The following PRKCE variants were observed in gnomAD, a reference collection of about 807,000 sequenced individuals.
The protein encoded by PRKCE is protein kinase C epsilon.
Under a neutral mutation model 85.4 loss-of-function variants are expected in PRKCE, and 16 were observed. The observed-to-expected ratio is 0.19, with a 90% CI of 0.13 to 0.28. The LOEUF is 0.28. PRKCE is among the 10% of genes least tolerant of loss of function. The pLI, the probability that PRKCE is intolerant of heterozygous loss-of-function variation, is 1.00. For missense variants in PRKCE, 573 were observed against 975.2 expected, an observed-to-expected ratio of 0.59 and a Z score of 5.49; for synonymous variants, 388 against 371.5, an observed-to-expected ratio of 1.04 and a Z score of -0.51.
At chr2:46,070,134 A>T (rs1231034666) in intron 10 of PRKCE, among the ~76,000 whole-genome samples, 5 of 152,242 alleles carry the variant, frequency 3.3e-5, no homozygotes, top group African/African-American at 1.2e-4. Flanking sequence ...ATGACATTGT[A>T]TTCACCTGGA....
At chr2:46,079,664 T>C (rs924300658) in intron 10 of PRKCE, among the ~76,000 whole-genome samples, 11 of 152,214 alleles carry the variant, frequency 7.2e-5, no homozygotes, top group Non-Finnish European at 1.3e-4. Flanking sequence ...GTGAAATCGA[T>C]GTAAGAGCTA....
At chr2:46,103,087 G>A (rs1444454973) in intron 11 of PRKCE, among the ~76,000 whole-genome samples, 1 of 152,286 alleles carries the variant, frequency 6.6e-6, no homozygotes, top group Middle Eastern at 3.4e-3. Flanking sequence ...CATTATATAT[G>A]TATTTGCTCA....
rs1271098434 is a variant in PRKCE at position 46,145,279 on chromosome 2, G to C, written c.1731+48G>C. On this transcript the variant is annotated intron_variant, in intron 12 of 14. Transcript: ENST00000306156. This position sits in a 1 kb window ranked among gnomAD's most constrained non-coding sequence, Gnocchi z 4.6. Reference sequence around the variant, plus strand: ...CACCTCCTCCTGGTGCCAGGACCGAGGCAGGGGTCCAAACCCATGCACTGG... The same window carrying C: ...CACCTCCTCCTGGTGCCAGGACCGACGCAGGGGTCCAAACCCATGCACTGG... 1 of 1,596,708 alleles carries C rather than the reference G, an allele frequency of 6.3e-7. No individual in the cohort carries two copies. The highest frequency in any genetic ancestry group is 1.1e-5 in the South Asian group (1 of 90,820).
In PRKCE at chr2:46,138,161, C is replaced by T. The variant is rs186539333; in HGVS notation, c.1593-6932C>T. On this transcript the variant is annotated intron_variant, in intron 11 of 14. Transcript: ENST00000306156. The surrounding 1 kb of genome is among the most constrained non-coding windows in gnomAD (Gnocchi z 4.2). ...TTCTGGAAGAGATCTTCACTCCTAC[C>T]GCAGGAGAGCCTTCATTGTGCCATC... Among the ~76,000 whole-genome samples, 17 of 152,228 alleles carry T rather than the reference C, an allele frequency of 1.1e-4. No homozygotes were observed. The highest frequency in any genetic ancestry group is 2.6e-4 in the African/African-American group (11 of 41,528).
intron 11 of PRKCE, among the ~76,000 whole-genome samples, chr2:46,132,101 A>G (rs1674519269): frequency 6.6e-6 from 1 of 152,036 alleles, no homozygotes; most frequent in Non-Finnish European, 1.5e-5. Context: ...AGACCTCTGA[A>G]CCACCCAAGT....
intron 1 of PRKCE, among the ~76,000 whole-genome samples, chr2:45,726,041 A>G (rs1163768995): frequency 6.6e-6 from 1 of 152,202 alleles, no homozygotes; most frequent in Non-Finnish European, 1.5e-5. Flanking sequence ...GAGCCTGGCG[A>G]TGTGACTGGA....
At chr2:45,943,214 CAATT>C (rs1341616098) in intron 2 of PRKCE, among the ~76,000 whole-genome samples, 20 of 152,182 alleles carry the variant, frequency 1.3e-4, no homozygotes, top group African/African-American at 4.1e-4. Context: ...TTAAAGGACA[CAATT>C]AAATATACTC....
chr2:45,932,458 C>T (rs2104069317), intron 2 of PRKCE, among the ~76,000 whole-genome samples: 1 of 152,294 alleles, frequency 6.6e-6, no homozygotes, highest in South Asian at 2.1e-4. Context: ...TGGGTTGCAG[C>T]TGCTCAGCCT....
chr2:46,165,257 CTT>C (rs1345550692), intron 14 of PRKCE, among the ~76,000 whole-genome samples: 1 of 152,254 alleles, frequency 6.6e-6, no homozygotes, highest in African/African-American at 2.4e-5. Context: ...CCCTCCTCCA[CTT>C]TCCCTTTTGT....
At chr2:45,844,706 T>C (rs1300775090) in intron 2 of PRKCE, among the ~76,000 whole-genome samples, 1 of 152,242 alleles carries the variant, frequency 6.6e-6, no homozygotes, top group Non-Finnish European at 1.5e-5. Flanking sequence ...ATTAAATATG[T>C]ATTTCCTGTG....
At chr2:46,135,554 T>C (rs971712694) in intron 11 of PRKCE, among the ~76,000 whole-genome samples, 1 of 152,138 alleles carries the variant, frequency 6.6e-6, no homozygotes, top group African/African-American at 2.4e-5. Context: ...GAGCTTGGGA[T>C]ACAAAAGCAT....
At chr2:46,009,667 T>C (rs532177791) in intron 9 of PRKCE, among the ~76,000 whole-genome samples, 2 of 152,326 alleles carry the variant, frequency 1.3e-5, no homozygotes, top group Non-Finnish European at 1.5e-5. Context: ...ACAAATGTAA[T>C]CCAAGAGAAA....
Position 45,684,549 on chromosome 2 carries a change from T to G in PRKCE, c.348+32101T>G, listed in dbSNP as rs928723360. ...AGGCATTTGATCTATGTTAATAACC[T>G]ATTATTTTACTTAAAAAATGTTGGT... is the stretch of plus-strand genomic sequence containing the variant. On this transcript the variant is annotated intron_variant, in intron 1 of 14. Transcript: ENST00000306156. Among the ~76,000 whole-genome samples, 9 of 152,262 alleles carry G rather than the reference T, an allele frequency of 5.9e-5. 1 individual carries two copies. The highest frequency in any genetic ancestry group is 4.6e-4 in the Admixed American group (7 of 15,290).
At chr2:46,027,455 C>G (rs532009656) in intron 10 of PRKCE, among the ~76,000 whole-genome samples, 1 of 152,172 alleles carries the variant, frequency 6.6e-6, no homozygotes, top group South Asian at 2.1e-4. Flanking sequence ...GTTTCAAAGG[C>G]CAGCAACCAT....
At chr2:46,177,764 T>C (rs1256653312) in intron 14 of PRKCE, among the ~76,000 whole-genome samples, 1 of 152,204 alleles carries the variant, frequency 6.6e-6, no homozygotes, top group South Asian at 2.1e-4. Flanking sequence ...CATGGTAAAA[T>C]TGGATTGATA....
intron 1 of PRKCE, among the ~76,000 whole-genome samples, chr2:45,712,834 A>G (rs944553047): frequency 2.0e-5 from 3 of 152,002 alleles, no homozygotes; most frequent in African/African-American, 7.3e-5. Context: ...CTCCTCCAGC[A>G]CACTTCCCTG....
chr2:46,187,783 G>T lies in PRKCE; in HGVS notation c.*2902G>T. On this transcript the variant is annotated 3_prime_UTR_variant, in exon 15 of 15. Transcript: ENST00000306156. ...ATGTGCAAAATAATTCTGGCTAACT[G>T]TAAAATGTATTCAATTTTAGGATTT... The T allele has an allele frequency of 6.9e-6, 1 of 144,354 alleles. No homozygotes were observed. Among genetic ancestry groups the T allele is most frequent in the Admixed American group, 6.9e-5 (1 of 14,400 alleles). The allele number at this position is 144,354 out of a possible 1,614,324, so 8.9% of individuals were successfully genotyped here.
At chr2:46,032,293 T>C (rs116100479) in intron 10 of PRKCE, among the ~76,000 whole-genome samples, 118 of 152,136 alleles carry the variant, frequency 7.8e-4, no homozygotes, top group African/African-American at 2.8e-3. Flanking sequence ...GGAACTGAGA[T>C]CTTTCCAGAA....
At chr2:45,901,656 G>A (rs1696590987) in intron 2 of PRKCE, among the ~76,000 whole-genome samples, 1 of 152,234 alleles carries the variant, frequency 6.6e-6, no homozygotes, top group African/African-American at 2.4e-5. Flanking sequence ...TGTGTGCACA[G>A]CTGATTCGTA....
Sources: gnomAD v4.1 joint callset for allele counts (sites outside exome capture counted in the v4.1 genomes callset) on GRCh38, gnomAD v4.1.1 for gene constraint, Gnocchi (gnomAD v3.1) non-coding constraint, MANE v1.5 for transcripts, NCBI Gene and HGNC (gene_info 2026-07-23, HGNC 2026-07-21) for gene names.